GSAP: variants seen among roughly 807,000 people sequenced by gnomAD.
The protein encoded by GSAP is gamma-secretase activating protein, also known as gamma-secretase-activating protein.
A neutral mutation model predicts 131.7 loss-of-function variants in GSAP; 118 were observed. The ratio of observed to expected loss-of-function variants is 0.90; its 90% confidence interval spans 0.77 to 1.04. GSAP has a LOEUF of 1.04. GSAP is among the 50% of genes least tolerant of loss of function. The pLI, the probability that GSAP is intolerant of heterozygous loss-of-function variation, is 0.00. For missense variants in GSAP, 1,019 were observed against 1,013.2 expected, an observed-to-expected ratio of 1.01 and a Z score of -0.08; for synonymous variants, 381 against 363.4, an observed-to-expected ratio of 1.05 and a Z score of -0.55.
intron 23 of GSAP, among the ~76,000 whole-genome samples, chr7:77,324,499 T>TC (rs1463063079): frequency 1.3e-5 from 2 of 152,140 alleles, no homozygotes; most frequent in Non-Finnish European, 2.9e-5. Context: ...ACAGCTTATA[T>TC]CACCCATGCA....
intron 22 of GSAP, chr7:77,328,182 T>C (rs544343572): frequency 1.0e-4 from 99 of 990,644 alleles, no homozygotes; most frequent in Non-Finnish European, 1.1e-4. Flanking sequence ...GCTCCTCATC[T>C]TTATGCCTCT....
At chr7:77,386,968 G>A (rs997654635) in intron 6 of GSAP, among the ~76,000 whole-genome samples, 5 of 152,146 alleles carry the variant, frequency 3.3e-5, no homozygotes, top group Admixed American at 1.3e-4. Flanking sequence ...CTGTATCTAT[G>A]CCACCTACAT....
chr7:77,324,088 T>C (rs892528418), intron 23 of GSAP, among the ~76,000 whole-genome samples: 1 of 152,196 alleles, frequency 6.6e-6, no homozygotes, highest in South Asian at 2.1e-4. Context: ...CTACTTCTCC[T>C]AGAGTCCTGG....
intron 1 of GSAP, among the ~76,000 whole-genome samples, chr7:77,414,370 G>T (rs1803888484): frequency 6.6e-6 from 1 of 152,208 alleles, no homozygotes; most frequent in Non-Finnish European, 1.5e-5. Context: ...TTACAGAACA[G>T]GAATTAATTT....
rs1039283937 is a variant in GSAP at position 77,325,758 on chromosome 7, A to C, written c.1827+454T>G. Among the ~76,000 whole-genome samples, 3 of 152,140 alleles carry C rather than the reference A, an allele frequency of 2.0e-5. No individual in the cohort carries two copies. In the South Asian group the frequency reaches 6.2e-4, roughly 32 times the overall value. Reference sequence around the variant, plus strand: ...GCTAATTTTTGCATTTTTAGTAGAGACAGGGTTTCACCATGTTGGCCAGGC... The same window carrying C: ...GCTAATTTTTGCATTTTTAGTAGAGCCAGGGTTTCACCATGTTGGCCAGGC... On this transcript the variant is annotated intron_variant, in intron 23 of 30. Coordinates refer to ENST00000257626, the MANE Select transcript of GSAP (RefSeq NM_017439.4).
At chr7:77,347,243 A>G (rs1008803570) in intron 19 of GSAP, among the ~76,000 whole-genome samples, 2 of 152,086 alleles carry the variant, frequency 1.3e-5, no homozygotes, top group Admixed American at 6.5e-5. Context: ...GAGCCACCCC[A>G]GCAAATTAAT....
At chr7:77,319,101 A>G (rs1787254932) in intron 26 of GSAP, among the ~76,000 whole-genome samples, 1 of 152,056 alleles carries the variant, frequency 6.6e-6, no homozygotes, top group Non-Finnish European at 1.5e-5. Flanking sequence ...AAACGATCCA[A>G]AGAGTAAAGG....
Position 77,413,845 on chromosome 7 carries a change from T to A in GSAP, c.109+2368A>T, listed in dbSNP as rs554185766. ...TTAAGCTGGGTAGTGGATACACGGT[T>A]TTACTTCGGTGGTTTTTTTCTTTCT... On this transcript the variant is annotated intron_variant, in intron 1 of 30. Coordinates refer to ENST00000257626, the MANE Select transcript of GSAP (RefSeq NM_017439.4). Among the ~76,000 whole-genome samples, 371 of 110,830 alleles carry A rather than the reference T, an allele frequency of 3.3e-3. 1 individual carries two copies. The highest frequency in any genetic ancestry group is 0.013 in the African/African-American group (352 of 27,202). 72.7% of individuals were successfully genotyped at this position (110,830 alleles called of 152,430 possible). A position where few individuals can be genotyped will look rare whatever the true frequency, so the allele number is the denominator to read the frequency against.
Position 77,389,410 on chromosome 7 carries a change from T to C in GSAP, c.368-1962A>G, listed in dbSNP as rs185122765. Among the ~76,000 whole-genome samples the C allele has an allele frequency of 2.9e-3, 436 of 151,608 alleles. 1 individual carries two copies. The highest frequency in any genetic ancestry group is 4.9e-3 in the Admixed American group (74 of 15,206). ...AAAAAACGCGTCATTTAGCATTAGG[T>C]ATATCTCCCAACGCTATCCCTCCCC... is the stretch of plus-strand genomic sequence containing the variant. On this transcript the variant is annotated intron_variant, in intron 5 of 30. Transcript: ENST00000257626.
chr7:77,330,094 T>G, intron 20 of GSAP, 145 bp downstream of exon 20: 10 of 954,352 alleles, frequency 1.0e-5, no homozygotes, highest in African/African-American at 1.7e-5. Context: ...TCTCTGCCCA[T>G]TGAGATCAGT....
intron 26 of GSAP, among the ~76,000 whole-genome samples, chr7:77,317,004 A>G (rs1330744001): frequency 6.6e-6 from 1 of 152,184 alleles, no homozygotes; most frequent in Non-Finnish European, 1.5e-5. Context: ...TCAAACAGTC[A>G]TCATTAGTCC....
intron 13 of GSAP, 147 bp downstream of exon 13, chr7:77,362,436 G>A (rs1584491814): frequency 1.7e-6 from 1 of 601,618 alleles, no homozygotes; most frequent in East Asian, 2.8e-5. Context: ...TCAGTGAGCA[G>A]TATTCATGCC....
At chr7:77,360,971 A>G (rs1304235421) in intron 13 of GSAP, 70 bp from the exon 14 acceptor site, 2 of 837,626 alleles carry the variant, frequency 2.4e-6, no homozygotes, top group Non-Finnish European at 4.2e-6. Context: ...GGCAGTGACT[A>G]TGTAACACAC....
chr7:77,405,403 A>G (rs536807310), intron 2 of GSAP, among the ~76,000 whole-genome samples: 10 of 152,252 alleles, frequency 6.6e-5, no homozygotes, highest in African/African-American at 2.2e-4. Flanking sequence ...TTAACATATT[A>G]ATTAGGTTTA....
chr7:77,332,961 G>T (rs981959534), intron 19 of GSAP, among the ~76,000 whole-genome samples: 2 of 152,182 alleles, frequency 1.3e-5, no homozygotes, highest in Non-Finnish European at 1.5e-5. Flanking sequence ...AAGGTCAAGA[G>T]ATCAAGACCA....
At chr7:77,354,677 C>CTTTTTTT (rs58464934) in intron 16 of GSAP, among the ~76,000 whole-genome samples, 1 of 140,792 alleles carries the variant, frequency 7.1e-6, no homozygotes. Flanking sequence ...CGTCTAATGT[C>CTTTTTTT]TTTTTTTTTT....
chr7:77,343,683 C>A (rs181581463), intron 19 of GSAP, among the ~76,000 whole-genome samples: 1 of 152,294 alleles, frequency 6.6e-6, no homozygotes, highest in East Asian at 1.9e-4. Flanking sequence ...TCGGTCACTT[C>A]CACCTACTCC....
chr7:77,353,457 A>G, intron 17 of GSAP, 115 bp downstream of exon 17: 1 of 557,758 alleles, frequency 1.8e-6, no homozygotes, highest in Non-Finnish European at 3.2e-6. Flanking sequence ...TTTTTTTTTT[A>G]ATGTGCTCCA....
intron 6 of GSAP, 97 bp downstream of exon 6, chr7:77,387,263 A>T: frequency 1.4e-6 from 1 of 704,664 alleles, no homozygotes; most frequent in Non-Finnish European, 2.6e-6. Flanking sequence ...TCTGAGGATT[A>T]AATATGATAG....
Sources: gnomAD v4.1 joint callset for allele counts (sites outside exome capture counted in the v4.1 genomes callset) on GRCh38, gnomAD v4.1.1 for gene constraint, MANE v1.5 for transcripts, NCBI Gene and HGNC (gene_info 2026-07-23, HGNC 2026-07-21) for gene names.